Variants in NPFFR1 observed in about 807,000 individuals in gnomAD.
The protein encoded by NPFFR1 is neuropeptide FF receptor 1.
Under a neutral mutation model 12.7 loss-of-function variants are expected in NPFFR1, and 17 were observed. That is an observed-to-expected ratio of 1.34 (90% CI 0.92 to 2.01). The LOEUF is 2.01. Ranked by LOEUF, NPFFR1 falls within the 30% of genes most tolerant of loss-of-function variation. The pLI, the probability that NPFFR1 is intolerant of heterozygous loss-of-function variation, is 0.00. For missense variants in NPFFR1, 604 were observed against 606.5 expected (o/e 1.00, Z 0.04); for synonymous variants, 296 against 264.5 (o/e 1.12, Z -1.16).
chr10:70,268,875 G>T (rs1298837070), intron 1 of NPFFR1, among the ~76,000 whole-genome samples: 2 of 152,216 alleles, frequency 1.3e-5, no homozygotes, highest in African/African-American at 4.8e-5. Context: ...AAGCAATATA[G>T]CATTGCAGAA....
intron 1 of NPFFR1, among the ~76,000 whole-genome samples, chr10:70,270,722 GC>G (rs1166979636): frequency 5.3e-5 from 8 of 152,218 alleles, no homozygotes; most frequent in Non-Finnish European, 4.4e-5. Context: ...CATCTGGGCT[GC>G]ATGCTAGCAG....
rs1840549126 is a variant in NPFFR1, at chr10:70,255,167, G to A, written c.1083C>T (p.Ser361=). Residue 361 remains serine, a synonymous_variant, in exon 4 of 4, where the codon TCC becomes TCT. Coordinates refer to ENST00000277942, the MANE Select transcript of NPFFR1 (RefSeq NM_022146.5). This position sits in a 1 kb window ranked among gnomAD's most constrained non-coding sequence, Gnocchi z 4.2. The part of the protein sequence containing the change: ...RPSGSHKEAY[S]ERPGGLLHRR... ...TGTGCAGAAGCCCGCCGGGCCGCTCGGAGTAGGCCTCCTTGTGGCTCCCCG... is the reference window on the plus strand; with the variant it reads ...TGTGCAGAAGCCCGCCGGGCCGCTCAGAGTAGGCCTCCTTGTGGCTCCCCG... 4 of 1,544,654 alleles carry A rather than the reference G, an allele frequency of 2.6e-6. No homozygotes were observed. In the South Asian group the frequency reaches 4.8e-5, roughly 18 times the overall value.
rs574318147 is a variant in NPFFR1 at position 70,260,130 on chromosome 10, G to A, written c.422+510C>T. Among the ~76,000 whole-genome samples the A allele has an allele frequency of 2.0e-5, 3 of 152,316 alleles. No individual in the cohort carries two copies. In the East Asian group the frequency reaches 5.8e-4, roughly 29 times the overall value. ...CACATGATAGATTTATACTTACCAG[G>A]GAATCTGATGGAATATGAGGCTGAG... On this transcript the variant is annotated intron_variant, in intron 3 of 3. Coordinates refer to ENST00000277942, the MANE Select transcript of NPFFR1 (RefSeq NM_022146.5).
chr10:70,266,437 G>T, intron 1 of NPFFR1, 46 bp from the exon 2 acceptor site: 2 of 1,470,336 alleles, frequency 1.4e-6, no homozygotes, highest in Non-Finnish European at 1.9e-6. Flanking sequence ...GCAAAGAAGA[G>T]ATTACCGATT....
At chr10:70,269,415 C>T (rs1190398608) in intron 1 of NPFFR1, among the ~76,000 whole-genome samples, 5 of 152,126 alleles carry the variant, frequency 3.3e-5, no homozygotes, top group African/African-American at 1.2e-4. Flanking sequence ...TCTTGGCCTC[C>T]CAAAGTGCTG....
At position 70,248,485 on chromosome 10, in the gene NPFFR1, G is replaced by GTTTTTTTTTTTTTTTTTTTTTTTT. The variant is rs869052329; in HGVS notation, c.*6471_*6472insAAAAAAAAAAAAAAAAAAAAAAAA. On this transcript the variant is annotated 3_prime_UTR_variant, in exon 4 of 4. Coordinates refer to ENST00000277942, the MANE Select transcript of NPFFR1 (RefSeq NM_022146.5). ...GCCTGGCGTTTTTTTTTTGTTTTTT[G>GTTTTTTTTTTTTTTTTTTTTTTTT]TTTTTTTTTTTTTTTTTTGAGATGG... The GTTTTTTTTTTTTTTTTTTTTTTTT allele has an allele frequency of 1.1e-5, 1 of 91,338 alleles. No individual in the cohort carries two copies. Among genetic ancestry groups the GTTTTTTTTTTTTTTTTTTTTTTTT allele is most frequent in the East Asian group, 2.9e-4 (1 of 3,468 alleles). The allele number at this position is 91,338 out of a possible 1,614,324, so 5.7% of individuals were successfully genotyped here. A position where few individuals can be genotyped will look rare whatever the true frequency, so the allele number is the denominator to read the frequency against.
intron 1 of NPFFR1, among the ~76,000 whole-genome samples, chr10:70,272,897 G>A (rs1416432512): frequency 6.6e-6 from 1 of 152,204 alleles, no homozygotes; most frequent in Non-Finnish European, 1.5e-5. Context: ...TTACAAAATA[G>A]TATGTACATG....
At position 70,274,194 on chromosome 10, in the gene NPFFR1, A is replaced by G. The variant is rs115699110; in HGVS notation, c.8-7803T>C. ...GCTGGGCACAGTGGCTCATACCTATAATCCCAGCACTTTGGGAGATGGAAG... is the reference window on the plus strand; with the variant it reads ...GCTGGGCACAGTGGCTCATACCTATGATCCCAGCACTTTGGGAGATGGAAG... On this transcript the variant is annotated intron_variant, in intron 1 of 3. Transcript: ENST00000277942. Among the ~76,000 whole-genome samples, 1,447 of 152,238 alleles carry G rather than the reference A, an allele frequency of 9.5e-3. 22 individuals carry two copies. The highest frequency in any genetic ancestry group is 0.033 in the African/African-American group (1,384 of 41,544).
At chr10:70,259,919 G>A (rs1376420874) in intron 3 of NPFFR1, among the ~76,000 whole-genome samples, 1 of 152,166 alleles carries the variant, frequency 6.6e-6, no homozygotes, top group Admixed American at 6.5e-5. Flanking sequence ...AGGCAGGAGT[G>A]AGCAAATCTC....
At chr10:70,279,258 T>G (rs1840834962) in intron 1 of NPFFR1, among the ~76,000 whole-genome samples, 1 of 152,188 alleles carries the variant, frequency 6.6e-6, no homozygotes, top group Non-Finnish European at 1.5e-5. Context: ...ACGATTCTTA[T>G]GTTTCAGCCT....
intron 1 of NPFFR1, among the ~76,000 whole-genome samples, chr10:70,275,032 C>G (rs1276594338): frequency 1.3e-5 from 2 of 152,210 alleles, no homozygotes; most frequent in Non-Finnish European, 2.9e-5. Context: ...CAGGCACCCA[C>G]CACAGCAACA....
intron 1 of NPFFR1, among the ~76,000 whole-genome samples, chr10:70,275,026 C>T (rs1840788375): frequency 6.6e-6 from 1 of 152,188 alleles, no homozygotes; most frequent in Admixed American, 6.5e-5. Flanking sequence ...CCATCCCAGG[C>T]ACCCACCACA....
chr10:70,272,737 A>G (rs1237503744), intron 1 of NPFFR1, among the ~76,000 whole-genome samples: 5 of 152,186 alleles, frequency 3.3e-5, no homozygotes, highest in African/African-American at 1.2e-4. Context: ...ACAACAAATC[A>G]GCTCTTCGCA....
chr10:70,257,962 T>C (rs1450136058), intron 3 of NPFFR1, among the ~76,000 whole-genome samples: 1 of 152,194 alleles, frequency 6.6e-6, no homozygotes, highest in Non-Finnish European at 1.5e-5. Flanking sequence ...CTCACAGGTT[T>C]GTTACTGACC....
At chr10:70,276,451 T>A (rs1840805331) in intron 1 of NPFFR1, among the ~76,000 whole-genome samples, 1 of 152,142 alleles carries the variant, frequency 6.6e-6, no homozygotes, top group Non-Finnish European at 1.5e-5. Context: ...CTTTTAGGCT[T>A]TTGCATTTCA....
chr10:70,281,248 G>A (rs543585058), intron 1 of NPFFR1, among the ~76,000 whole-genome samples: 43 of 152,274 alleles, frequency 2.8e-4, no homozygotes, highest in African/African-American at 1.0e-3. Flanking sequence ...ACCCAAAACT[G>A]CAGGAGTGGG....
intron 1 of NPFFR1, among the ~76,000 whole-genome samples, chr10:70,271,364 T>A (rs1026138797): frequency 1.1e-4 from 17 of 151,892 alleles, no homozygotes; most frequent in African/African-American, 3.9e-4. Context: ...AATTAAAAAA[T>A]TAGCCAGATG....
chr10:70,250,915 A>G lies in NPFFR1; in HGVS notation c.*4042T>C, dbSNP rs1840504421. On this transcript the variant is annotated 3_prime_UTR_variant, in exon 4 of 4. Coordinates refer to ENST00000277942, the MANE Select transcript of NPFFR1 (RefSeq NM_022146.5). ...GTTAAATATATTGAGAGATATATGC[A>G]CAGAAAAGGACGCTATACTTGTCTC... 6.6e-6 allele frequency: 1 copy of G among 152,216 alleles called. No homozygotes were observed. The highest frequency in any genetic ancestry group is 6.5e-5 in the Admixed American group (1 of 15,286). 9.4% of individuals were successfully genotyped at this position (152,216 alleles called of 1,614,324 possible). A position where few individuals can be genotyped will look rare whatever the true frequency, so the allele number is the denominator to read the frequency against.
Position 70,250,700 on chromosome 10 carries a change from T to C in NPFFR1, c.*4257A>G, listed in dbSNP as rs1438308993. ...ACATTCTGAAATCAGATCATCGTTT[T>C]CTGGAATCAGGAGCGTGGGAAAGGA... is the stretch of plus-strand genomic sequence containing the variant. On this transcript the variant is annotated 3_prime_UTR_variant, in exon 4 of 4. Coordinates refer to ENST00000277942, the MANE Select transcript of NPFFR1 (RefSeq NM_022146.5). The C allele has an allele frequency of 1.3e-5, 2 of 152,220 alleles. No homozygotes were observed. Among genetic ancestry groups the C allele is most frequent in the African/African-American group, 4.8e-5 (2 of 41,454 alleles). The allele number at this position is 152,220 out of a possible 1,614,324, so 9.4% of individuals were successfully genotyped here. A position where few individuals can be genotyped will look rare whatever the true frequency, so the allele number is the denominator to read the frequency against.
Sources: gnomAD v4.1 joint callset for allele counts (sites outside exome capture counted in the v4.1 genomes callset) on GRCh38, gnomAD v4.1.1 for gene constraint, Gnocchi (gnomAD v3.1) non-coding constraint, MANE v1.5 for transcripts, NCBI Gene and HGNC (gene_info 2026-07-23, HGNC 2026-07-21) for gene names.